Variants in MERTK observed in about 807,000 individuals in gnomAD.
The protein encoded by MERTK is tyrosine-protein kinase Mer.
Under a neutral mutation model 99.3 loss-of-function variants are expected in MERTK, and 69 were observed. The ratio of observed to expected loss-of-function variants is 0.70; its 90% confidence interval spans 0.57 to 0.85. MERTK has a LOEUF of 0.85. Among genes scored for constraint, MERTK ranks in the 40% least tolerant of loss-of-function variants. The pLI is 0.00. For synonymous variants in MERTK, 426 were observed against 467.6 expected (o/e 0.91, Z 1.15); for missense variants, 1,125 against 1,249.4 (o/e 0.90, Z 1.50).
intron 7 of MERTK, 81 bp from the exon 8 acceptor site, chr2:111,982,761 C>G: frequency 6.6e-7 from 1 of 1,523,488 alleles, no homozygotes; most frequent in Non-Finnish European, 9.1e-7. Flanking sequence ...ATTTGAAAAC[C>G]AAACACTTGA....
chr2:111,954,964 C>T (rs555666283), intron 4 of MERTK, among the ~76,000 whole-genome samples: 1 of 151,938 alleles, frequency 6.6e-6, no homozygotes, highest in South Asian at 2.1e-4. Context: ...TACCTGAGTC[C>T]CTTCCAGTAA....
chr2:111,914,814 A>AT (rs755928513), intron 1 of MERTK, among the ~76,000 whole-genome samples: 31 of 151,796 alleles, frequency 2.0e-4, no homozygotes, highest in Non-Finnish European at 3.2e-4. Context: ...TTTGTTAATA[A>AT]TTTTTTTGTG....
chr2:111,997,337 G>A lies in MERTK; in HGVS notation c.1465G>A (p.Ala489Thr). Residue 489 changes from alanine to threonine, a missense_variant, in exon 10 of 19, where the codon GCC (alanine) becomes ACC (threonine). Physicochemically the swap from Ala to Thr is moderately conservative, Grantham distance 58. Transcript: ENST00000295408. ...TATCTCACCAGGTTGGGTAGATTATGCCCCCTCTTCAACTCCGGCGCCTGG... is the reference window on the plus strand; with the variant it reads ...TATCTCACCAGGTTGGGTAGATTATACCCCCTCTTCAACTCCGGCGCCTGG... ...FIPAHGWVDY[A>T]PSSTPAPGNA... The A allele has an allele frequency of 6.2e-7, 1 of 1,614,096 alleles. No homozygotes were observed. The highest frequency in any genetic ancestry group is 8.5e-7 in the Non-Finnish European group (1 of 1,179,990).
In MERTK at chr2:111,906,959, C is replaced by T. The variant is rs77739815; in HGVS notation, c.61+8163C>T. Among the ~76,000 whole-genome samples the T allele has an allele frequency of 4.3e-3, 655 of 152,104 alleles. 5 individuals are homozygous for T. The highest frequency in any genetic ancestry group is 0.013 in the African/African-American group (560 of 41,506). Reference sequence around the variant, plus strand: ...CTTTGGGGCAGAACACTGATTCCATCTAAAGGGGAGAGGTGGGAAGGGATA... The same window carrying T: ...CTTTGGGGCAGAACACTGATTCCATTTAAAGGGGAGAGGTGGGAAGGGATA... On this transcript the variant is annotated intron_variant, in intron 1 of 18. Transcript: ENST00000295408.
chr2:111,950,137 T>C (rs762359353), intron 4 of MERTK, among the ~76,000 whole-genome samples: 1 of 152,184 alleles, frequency 6.6e-6, no homozygotes, highest in African/African-American at 2.4e-5. Context: ...GGTTTCAGCA[T>C]GTTGGTCAGG....
chr2:111,954,915 A>G (rs1282670358), intron 4 of MERTK, among the ~76,000 whole-genome samples: 1 of 152,146 alleles, frequency 6.6e-6, no homozygotes, highest in Non-Finnish European at 1.5e-5. Flanking sequence ...ACTTATTTTT[A>G]ATTAATTTTT....
intron 18 of MERTK, among the ~76,000 whole-genome samples, chr2:112,026,851 G>A (rs1488179896): frequency 1.3e-5 from 2 of 152,222 alleles, no homozygotes; most frequent in African/African-American, 2.4e-5. Context: ...TCTATAGGCT[G>A]TAACTAAATG....
chr2:111,948,453 C>T (rs1225602289), intron 4 of MERTK, among the ~76,000 whole-genome samples: 1 of 152,176 alleles, frequency 6.6e-6, no homozygotes, highest in African/African-American at 2.4e-5. Context: ...CCTTGAACTC[C>T]AGCCCAGACC....
rs969170591 is a variant in MERTK, at chr2:111,981,633, T to C, written c.1145-1209T>C. 2.0e-5 allele frequency among the ~76,000 whole-genome samples: 3 copies of C among 152,210 alleles called. 1 individual carries two copies. The East Asian group carries it at 5.8e-4, about 29-fold the overall frequency. On this transcript the variant is annotated intron_variant, in intron 7 of 18. Transcript: ENST00000295408. ...ATAAAATATTTGGTCAGAGAGCATATTATTTTCAATTTTAATAGATATAGT... is the reference window on the plus strand; with the variant it reads ...ATAAAATATTTGGTCAGAGAGCATACTATTTTCAATTTTAATAGATATAGT...
At chr2:111,923,492 C>T (rs758291616) in intron 1 of MERTK, among the ~76,000 whole-genome samples, 7 of 152,106 alleles carry the variant, frequency 4.6e-5, no homozygotes, top group South Asian at 2.1e-4. Context: ...AGCAGCTGGG[C>T]GGCTACTCTG....
At chr2:111,994,817 T>C (rs918632160) in intron 9 of MERTK, 8 of 304,516 alleles carry the variant, frequency 2.6e-5, no homozygotes, top group Non-Finnish European at 5.1e-5. Context: ...AAAATAAGAA[T>C]CAAAAATAAT....
chr2:112,004,609 G>T lies in MERTK; in HGVS notation c.1867+625G>T, dbSNP rs1441589877. Among the ~76,000 whole-genome samples the T allele has an allele frequency of 2.0e-5, 3 of 152,178 alleles. No individual in the cohort carries two copies. The East Asian group carries it at 5.8e-4, about 29-fold the overall frequency. The stretch of plus-strand genomic sequence containing the variant: ...CCTGCTTTATCCTGCAAGGAGTAGA[G>T]CGCTATTAAGAGGCTTAACCAGCCG... On this transcript the variant is annotated intron_variant, in intron 13 of 18. Transcript: ENST00000295408.
intron 11 of MERTK, among the ~76,000 whole-genome samples, chr2:112,002,367 A>C (rs1573632833): frequency 6.6e-6 from 1 of 152,166 alleles, no homozygotes; most frequent in South Asian, 2.1e-4. Flanking sequence ...GACTCCGTCC[A>C]TGGCATGGGA....
At chr2:111,976,035 T>G (rs1676240387) in intron 7 of MERTK, among the ~76,000 whole-genome samples, 1 of 152,174 alleles carries the variant, frequency 6.6e-6, no homozygotes, top group South Asian at 2.1e-4. Flanking sequence ...GACCTCAGCT[T>G]TGTGTCCAAT....
intron 1 of MERTK, among the ~76,000 whole-genome samples, chr2:111,901,495 T>C (rs1052404708): frequency 1.2e-4 from 18 of 152,080 alleles, no homozygotes; most frequent in Non-Finnish European, 2.2e-4. Context: ...TAAAAATGAA[T>C]ACTTTTAGAA....
chr2:112,010,095 C>A, intron 15 of MERTK, 29 bp downstream of exon 15: 2 of 1,458,574 alleles, frequency 1.4e-6, no homozygotes, highest in Non-Finnish European at 1.9e-6. Context: ...TACCCCTGAA[C>A]ACTTCTCAGG....
chr2:111,921,282 C>A (rs973311152), intron 1 of MERTK, among the ~76,000 whole-genome samples: 2 of 152,046 alleles, frequency 1.3e-5, no homozygotes, highest in African/African-American at 4.8e-5. Context: ...GGCAGATCAC[C>A]TGAGGTTAGG....
chr2:112,005,451 C>G (rs1676961546), intron 13 of MERTK, among the ~76,000 whole-genome samples: 1 of 152,188 alleles, frequency 6.6e-6, no homozygotes, highest in African/African-American at 2.4e-5. Context: ...GCAGGTTGTG[C>G]TGGGCTTCTT....
intron 7 of MERTK, among the ~76,000 whole-genome samples, chr2:111,982,249 G>A (rs1237209127): frequency 6.6e-6 from 1 of 151,994 alleles, no homozygotes; most frequent in Non-Finnish European, 1.5e-5. Flanking sequence ...GGTGATTGGA[G>A]TCTCACTATG....
Sources: allele counts gnomAD v4.1 joint callset (sites outside exome capture counted in the v4.1 genomes callset), GRCh38; gene constraint gnomAD v4.1.1; transcripts MANE v1.5; gene names NCBI Gene and HGNC (gene_info 2026-07-23, HGNC 2026-07-21).